GALNT18: variants seen among roughly 807,000 people sequenced by gnomAD.
GALNT18 encodes the protein GalNAc-transferase 18.
A neutral mutation model predicts 69.5 loss-of-function variants in GALNT18; 44 were observed. The observed-to-expected ratio is 0.63, with a 90% confidence interval of 0.50 to 0.81. The LOEUF is 0.81. Among genes scored for constraint, GALNT18 ranks in the 40% least tolerant of loss-of-function variants. The pLI is 0.00. For synonymous variants in GALNT18, 364 were observed against 318.2 expected (o/e 1.14, Z -1.53); for missense variants, 715 against 810.0 (o/e 0.88, Z 1.42).
At chr11:11,561,311 C>T (rs1320713511) in intron 1 of GALNT18, among the ~76,000 whole-genome samples, 1 of 151,912 alleles carries the variant, frequency 6.6e-6, no homozygotes, top group Non-Finnish European at 1.5e-5. Context: ...CCAGGCAAAT[C>T]CATATTCCAG....
At chr11:11,537,335 A>G (rs1481266484) in intron 1 of GALNT18, among the ~76,000 whole-genome samples, 1 of 148,122 alleles carries the variant, frequency 6.8e-6, no homozygotes, top group African/African-American at 2.5e-5. Flanking sequence ...TTACCTTTGT[A>G]AGGCTTTTAA....
intron 1 of GALNT18, among the ~76,000 whole-genome samples, chr11:11,539,569 C>T (rs1382307428): frequency 6.6e-6 from 1 of 152,176 alleles, no homozygotes; most frequent in Admixed American, 6.5e-5. Flanking sequence ...ACCCCAGAGA[C>T]CCCACTGTGA....
At chr11:11,491,929 T>C (rs993630427) in intron 1 of GALNT18, among the ~76,000 whole-genome samples, 1 of 152,168 alleles carries the variant, frequency 6.6e-6, no homozygotes, top group Non-Finnish European at 1.5e-5. Flanking sequence ...GAGATTCAGA[T>C]GGACAAAATC....
At position 11,338,090 on chromosome 11, in the gene GALNT18, C is replaced by T. The variant is rs1850144180; in HGVS notation, c.1278+2729G>A. ...TAAAATGATTCTCTTGCCTCAGCCT[C>T]CTGAGTAGCTGGGATTACAGGCATG... On this transcript the variant is annotated intron_variant, in intron 7 of 10. Coordinates refer to ENST00000227756, the MANE Select transcript of GALNT18 (RefSeq NM_198516.3). This position sits in a 1 kb window ranked among gnomAD's most constrained non-coding sequence, Gnocchi z 5.3. Among the ~76,000 whole-genome samples, 1 of 151,722 alleles carries T rather than the reference C, an allele frequency of 6.6e-6. No individual in the cohort carries two copies. The highest frequency in any genetic ancestry group is 1.5e-5 in the Non-Finnish European group (1 of 67,996).
chr11:11,349,536 T>A (rs908787189), intron 6 of GALNT18, among the ~76,000 whole-genome samples: 1 of 152,198 alleles, frequency 6.6e-6, no homozygotes, highest in Non-Finnish European at 1.5e-5. Flanking sequence ...CAACCTCCCC[T>A]GATTACTAGT....
chr11:11,283,274 G>A (rs1849121853), intron 10 of GALNT18, among the ~76,000 whole-genome samples: 2 of 152,168 alleles, frequency 1.3e-5, no homozygotes, highest in South Asian at 4.1e-4. Flanking sequence ...AGCTGCCCAA[G>A]TAGCTGGGAT....
intron 3 of GALNT18, among the ~76,000 whole-genome samples, chr11:11,395,192 A>G (rs796965065): frequency 1.9e-4 from 29 of 152,346 alleles, no homozygotes; most frequent in African/African-American, 7.0e-4. Flanking sequence ...AAGGTTGGGC[A>G]TGGCTGGTGT....
At chr11:11,441,220 C>A (rs758924955) in intron 2 of GALNT18, among the ~76,000 whole-genome samples, 1 of 152,144 alleles carries the variant, frequency 6.6e-6, no homozygotes, top group Admixed American at 6.5e-5. Flanking sequence ...TGGCCCACAA[C>A]GAAATTAATA....
At chr11:11,471,153 G>A (rs1856259507) in intron 1 of GALNT18, among the ~76,000 whole-genome samples, 1 of 151,902 alleles carries the variant, frequency 6.6e-6, no homozygotes, top group South Asian at 2.1e-4. Context: ...TTTTTAAGAG[G>A]TCTACCCTGG....
chr11:11,412,110 T>C (rs1352668098), intron 3 of GALNT18, among the ~76,000 whole-genome samples: 1 of 152,126 alleles, frequency 6.6e-6, no homozygotes, highest in Non-Finnish European at 1.5e-5. Context: ...GCATCCACTA[T>C]AGTAACGTGG....
At chr11:11,449,906 G>A (rs1855753138) in intron 1 of GALNT18, among the ~76,000 whole-genome samples, 1 of 152,248 alleles carries the variant, frequency 6.6e-6, no homozygotes, top group South Asian at 2.1e-4. Flanking sequence ...CACAGCCAAT[G>A]GCAATTAGGG....
At chr11:11,466,274 C>T (rs1856154232) in intron 1 of GALNT18, among the ~76,000 whole-genome samples, 1 of 152,314 alleles carries the variant, frequency 6.6e-6, no homozygotes, top group African/African-American at 2.4e-5. Flanking sequence ...CCTTTATAAA[C>T]CAGTGCCACC....
At chr11:11,490,361 A>G (rs1856742794) in intron 1 of GALNT18, among the ~76,000 whole-genome samples, 1 of 152,096 alleles carries the variant, frequency 6.6e-6, no homozygotes, top group Non-Finnish European at 1.5e-5. Flanking sequence ...ACTATGAGCC[A>G]ATAAATCTCT....
intron 1 of GALNT18, among the ~76,000 whole-genome samples, chr11:11,524,285 C>T (rs2133932789): frequency 6.6e-6 from 1 of 152,270 alleles, no homozygotes; most frequent in Non-Finnish European, 1.5e-5. Flanking sequence ...TCCTTTTCAG[C>T]AGCATGACTC....
At chr11:11,560,302 T>C (rs1858476843) in intron 1 of GALNT18, among the ~76,000 whole-genome samples, 1 of 151,936 alleles carries the variant, frequency 6.6e-6, no homozygotes, top group South Asian at 2.1e-4. Context: ...TGGGATTCAA[T>C]AGAACAGGAT....
At chr11:11,316,619 A>T (rs1343531678) in intron 9 of GALNT18, among the ~76,000 whole-genome samples, 5 of 152,222 alleles carry the variant, frequency 3.3e-5, no homozygotes, top group Non-Finnish European at 7.3e-5. Context: ...GAAGGAATTA[A>T]AGTCGCTTTC....
At chr11:11,581,185 AG>A (rs1859072172) in intron 1 of GALNT18, among the ~76,000 whole-genome samples, 1 of 152,216 alleles carries the variant, frequency 6.6e-6, no homozygotes, top group South Asian at 2.1e-4. Flanking sequence ...GAGGTGGGGC[AG>A]GGCTGGAGTA....
chr11:11,336,509 T>A (rs1225303821), intron 7 of GALNT18, among the ~76,000 whole-genome samples: 2 of 152,194 alleles, frequency 1.3e-5, no homozygotes, highest in African/African-American at 2.4e-5. Context: ...AGTCTTTACA[T>A]GTATTAACTT....
In GALNT18 at chr11:11,470,990, C is replaced by T. The variant is rs1383099563; in HGVS notation, c.236-22054G>A. 6.6e-6 allele frequency among the ~76,000 whole-genome samples: 1 copy of T among 152,156 alleles called. No individual in the cohort carries two copies. Among genetic ancestry groups the T allele is most frequent in the East Asian group, 1.9e-4 (1 of 5,184 alleles). ...CTCAGGGGCCCGGGCACATCAATAT[C>T]CCTCTTTCTCCTGTATCTTCCTTCC... On this transcript the variant is annotated intron_variant, in intron 1 of 10. Transcript: ENST00000227756. The surrounding 1 kb of genome is among the most constrained non-coding windows in gnomAD (Gnocchi z 4.8).
Sources: gnomAD v4.1 joint callset for allele counts (sites outside exome capture counted in the v4.1 genomes callset) on GRCh38, gnomAD v4.1.1 for gene constraint, Gnocchi (gnomAD v3.1) non-coding constraint, MANE v1.5 for transcripts, NCBI Gene and HGNC (gene_info 2026-07-23, HGNC 2026-07-21) for gene names.